The following MYO3A variants were observed in gnomAD, a reference collection of about 807,000 sequenced individuals.
The protein encoded by MYO3A is myosin IIIA.
A neutral mutation model predicts 192.7 loss-of-function variants in MYO3A; 180 were observed. The ratio of observed to expected loss-of-function variants is 0.93; its 90% CI spans 0.83 to 1.06. The LOEUF (loss-of-function observed/expected upper bound fraction) is 1.06. Among genes scored for constraint, MYO3A ranks in the 50% least tolerant of loss-of-function variants. MYO3A has a pLI of 0.00. For missense variants in MYO3A, 1,896 were observed against 1,905.0 expected, an observed-to-expected ratio of 1.00 and a Z score of 0.09; for synonymous variants, 628 against 645.3, an observed-to-expected ratio of 0.97 and a Z score of 0.41.
chr10:26,123,004 A>G (rs1211895707), intron 18 of MYO3A, among the ~76,000 whole-genome samples: 2 of 152,208 alleles, frequency 1.3e-5, no homozygotes, highest in Non-Finnish European at 2.9e-5. Flanking sequence ...GGGAATCGGT[A>G]TTGTAGGGAA....
At chr10:26,044,003 G>A (rs986537984) in intron 10 of MYO3A, among the ~76,000 whole-genome samples, 1 of 152,162 alleles carries the variant, frequency 6.6e-6, no homozygotes, top group Non-Finnish European at 1.5e-5. Context: ...GTCATTCAGG[G>A]CCCAAGAGCT....
chr10:25,992,109 T>C (rs1246014152), intron 4 of MYO3A, among the ~76,000 whole-genome samples: 1 of 150,536 alleles, frequency 6.6e-6, no homozygotes, highest in Non-Finnish European at 1.5e-5. Context: ...TTGGGCAGTA[T>C]GGCCATTTTC....
chr10:26,098,505 G>A (rs1055176031), intron 17 of MYO3A, among the ~76,000 whole-genome samples: 1 of 152,180 alleles, frequency 6.6e-6, no homozygotes, highest in Non-Finnish European at 1.5e-5. Context: ...GTCCTGAATG[G>A]TATTGCCTAG....
chr10:26,171,611 C>CTA (rs921401727), intron 29 of MYO3A, among the ~76,000 whole-genome samples: 1 of 152,032 alleles, frequency 6.6e-6, no homozygotes, highest in African/African-American at 2.4e-5. Context: ...ATTCTGAGAC[C>CTA]TATATATATG....
At chr10:26,023,874 T>A in intron 8 of MYO3A, 148 bp from the exon 9 acceptor site, 2 of 751,034 alleles carry the variant, frequency 2.7e-6, no homozygotes, top group South Asian at 1.4e-5. Flanking sequence ...AGATGAGTAA[T>A]GATTTATCTG....
chr10:26,065,429 C>CA (rs1200683418), intron 10 of MYO3A, among the ~76,000 whole-genome samples: 21 of 151,476 alleles, frequency 1.4e-4, no homozygotes, highest in Middle Eastern at 6.8e-3. Flanking sequence ...ATTAAAAATG[C>CA]AAAAAAATTA....
intron 24 of MYO3A, among the ~76,000 whole-genome samples, chr10:26,154,473 C>A (rs908641802): frequency 6.6e-5 from 10 of 152,180 alleles, no homozygotes; most frequent in African/African-American, 1.9e-4. Flanking sequence ...AGCCACCATG[C>A]CTAGCCCTTT....
chr10:25,952,388 T>C (rs904007747), intron 3 of MYO3A, 110 bp downstream of exon 3: 15 of 1,218,876 alleles, frequency 1.2e-5, no homozygotes, highest in Non-Finnish European at 1.6e-5. Flanking sequence ...CTAAAACAGG[T>C]TACAATTTGA....
At chr10:25,966,739 G>A (rs1838291661) in intron 4 of MYO3A, among the ~76,000 whole-genome samples, 1 of 152,174 alleles carries the variant, frequency 6.6e-6, no homozygotes, top group Admixed American at 6.5e-5. Flanking sequence ...TGATTCTTAT[G>A]AAAGGAAAGT....
intron 31 of MYO3A, among the ~76,000 whole-genome samples, chr10:26,192,523 G>GT (rs1554843950): frequency 1.3e-5 from 2 of 151,846 alleles, no homozygotes; most frequent in Non-Finnish European, 2.9e-5. Context: ...TCCTTTTTAA[G>GT]TTTTTTTTCT....
intron 14 of MYO3A, among the ~76,000 whole-genome samples, chr10:26,079,224 G>A (rs11527599): frequency 0.14 from 21,331 of 151,996 alleles, 1,782 homozygotes; most frequent in East Asian, 0.35. Context: ...TTAGGATTGC[G>A]ATATTTTCCT....
chr10:26,096,584 C>G lies in MYO3A; in HGVS notation c.1678C>G (p.His560Asp), dbSNP rs199969867. The change falls in exon 17 of 35, where the codon CAC becomes GAC. Residue 560 changes from histidine (H) to aspartate (D), a missense_variant. By Grantham distance (81) the His-to-Asp change is moderately conservative. Transcript: ENST00000642920. ...NKPPRYLQNDHLRTVQDIMNN... is the reference protein window; with the variant it reads ...NKPPRYLQNDDLRTVQDIMNN... ...TTTTTTTAGGTACCTACAAAATGAC[C>G]ACCTCAGAACAGTACAAGACATCAT... is the stretch of plus-strand genomic sequence containing the variant. 7.5e-6 allele frequency: 12 copies of G among 1,601,962 alleles called. No individual in the cohort carries two copies. The highest frequency in any genetic ancestry group is 1.7e-4 in the Middle Eastern group (1 of 6,026).
chr10:26,210,798 C>G (rs1048404046), intron 34 of MYO3A, among the ~76,000 whole-genome samples: 6 of 152,154 alleles, frequency 3.9e-5, no homozygotes, highest in Non-Finnish European at 8.8e-5. Flanking sequence ...CTTGCTGTTC[C>G]TTGAACACGA....
chr10:26,117,738 A>G (rs1270064623), intron 17 of MYO3A, among the ~76,000 whole-genome samples: 2 of 152,208 alleles, frequency 1.3e-5, no homozygotes, highest in Non-Finnish European at 2.9e-5. Flanking sequence ...TACCCAATGT[A>G]TCATTGATGG....
chr10:26,171,498 C>A (rs963250912), intron 29 of MYO3A, among the ~76,000 whole-genome samples: 1 of 152,164 alleles, frequency 6.6e-6, no homozygotes, highest in Non-Finnish European at 1.5e-5. Flanking sequence ...TCACCTTCAC[C>A]CACACATTCC....
At chr10:26,003,708 A>G (rs1191815462) in intron 6 of MYO3A, among the ~76,000 whole-genome samples, 2 of 152,200 alleles carry the variant, frequency 1.3e-5, no homozygotes, top group Non-Finnish European at 2.9e-5. Flanking sequence ...AGAAAATGAA[A>G]GAGACTAAAT....
intron 15 of MYO3A, among the ~76,000 whole-genome samples, chr10:26,091,443 T>C (rs1291980429): frequency 6.6e-6 from 1 of 152,212 alleles, no homozygotes; most frequent in Non-Finnish European, 1.5e-5. Flanking sequence ...TTGAAGGCAA[T>C]GCTAGATAAT....
chr10:26,154,935 A>G (rs995580121), intron 25 of MYO3A, 112 bp downstream of exon 25: 5 of 924,096 alleles, frequency 5.4e-6, no homozygotes, highest in African/African-American at 4.9e-5. Context: ...TATTCCATTT[A>G]CTATTGTTAG....
chr10:26,095,414 C>A lies in MYO3A; in HGVS notation c.1563-967C>A, dbSNP rs117221053. On this transcript the variant is annotated intron_variant, in intron 15 of 34. Coordinates refer to ENST00000642920, the MANE Select transcript of MYO3A (RefSeq NM_017433.5). ...ACAGGAGGAGATCCTAGTGGGAGGA[C>A]GAGAAGGGGAATGCCACAGAGAGAT... Among the ~76,000 whole-genome samples, 89 of 152,114 alleles carry A rather than the reference C, an allele frequency of 5.9e-4. 2 individuals are homozygous for A. The East Asian group carries it at 0.015, about 25-fold the overall frequency.
Sources: allele counts gnomAD v4.1 joint callset (sites outside exome capture counted in the v4.1 genomes callset), GRCh38; gene constraint gnomAD v4.1.1; transcripts MANE v1.5; gene names NCBI Gene and HGNC (gene_info 2026-07-23, HGNC 2026-07-21).